FCHO2: variants seen among roughly 807,000 people sequenced by gnomAD.
FCHO2 encodes F-BAR domain only protein 2.
In FCHO2, 43 loss-of-function variants were observed where a neutral mutation model predicts 114.1. The ratio of observed to expected loss-of-function variants is 0.38; its 90% confidence interval spans 0.30 to 0.49. The LOEUF (loss-of-function observed/expected upper bound fraction) is 0.49. Among genes scored for constraint, FCHO2 ranks in the 20% least tolerant of loss-of-function variants. FCHO2 has a pLI of 0.97. For missense variants in FCHO2, 807 were observed against 950.4 expected, an observed-to-expected ratio of 0.85 and a Z score of 1.98; for synonymous variants, 293 against 315.2, an observed-to-expected ratio of 0.93 and a Z score of 0.75.
At chr5:73,021,327 G>A (rs1270349719) in intron 8 of FCHO2, 6 of 415,418 alleles carry the variant, frequency 1.4e-5, no homozygotes, top group South Asian at 4.6e-5. Flanking sequence ...AAGTGATGGC[G>A]ACAGGAGGGA....
intron 24 of FCHO2, among the ~76,000 whole-genome samples, chr5:73,085,797 T>G (rs111880417): frequency 9.5e-6 from 1 of 105,524 alleles, no homozygotes; most frequent in East Asian, 2.5e-4. Context: ...AATAAATAAA[T>G]AAATAAATAA....
At chr5:72,965,748 G>A (rs1326354624) in intron 1 of FCHO2, among the ~76,000 whole-genome samples, 1 of 152,194 alleles carries the variant, frequency 6.6e-6, no homozygotes, top group African/African-American at 2.4e-5. Context: ...GAGAAGTCAA[G>A]ATAAAGTGAG....
At chr5:73,009,625 G>A (rs1372093167) in intron 6 of FCHO2, among the ~76,000 whole-genome samples, 1 of 152,048 alleles carries the variant, frequency 6.6e-6, no homozygotes. Context: ...CAGCCTTTTT[G>A]CCTCCCAGGC....
At chr5:72,996,132 A>G (rs893966897) in intron 5 of FCHO2, among the ~76,000 whole-genome samples, 2 of 151,356 alleles carry the variant, frequency 1.3e-5, no homozygotes, top group African/African-American at 4.9e-5. Flanking sequence ...AATCCCAGCT[A>G]CTCGGGAGGC....
At chr5:73,067,041 T>C (rs1212207053) in intron 18 of FCHO2, among the ~76,000 whole-genome samples, 1 of 152,056 alleles carries the variant, frequency 6.6e-6, no homozygotes, top group Non-Finnish European at 1.5e-5. Flanking sequence ...ATATGAAAAT[T>C]AATGAGATTT....
intron 9 of FCHO2, among the ~76,000 whole-genome samples, chr5:73,035,097 G>A (rs1207826697): frequency 8.5e-5 from 13 of 152,190 alleles, no homozygotes; most frequent in African/African-American, 2.9e-4. Context: ...TGTACAGTGG[G>A]TAACATTTCA....
intron 8 of FCHO2, among the ~76,000 whole-genome samples, chr5:73,019,260 T>A (rs923836196): frequency 2.0e-5 from 3 of 152,192 alleles, no homozygotes; most frequent in African/African-American, 4.8e-5. Context: ...ATAAAGAATT[T>A]TGTGACTGAG....
intron 2 of FCHO2, among the ~76,000 whole-genome samples, chr5:72,972,871 G>A (rs1199537469): frequency 3.9e-5 from 6 of 152,060 alleles, no homozygotes; most frequent in African/African-American, 7.2e-5. Flanking sequence ...TTTGAAATAC[G>A]TCCCATCAAT....
chr5:73,023,207 T>C (rs1580120525), intron 8 of FCHO2, among the ~76,000 whole-genome samples: 1 of 152,172 alleles, frequency 6.6e-6, no homozygotes, highest in African/African-American at 2.4e-5. Flanking sequence ...CCCCAAAATA[T>C]AACGTTTTAG....
At chr5:73,034,952 T>G (rs1294653035) in intron 9 of FCHO2, among the ~76,000 whole-genome samples, 1 of 152,238 alleles carries the variant, frequency 6.6e-6, no homozygotes, top group Non-Finnish European at 1.5e-5. Flanking sequence ...ATGCATTTGT[T>G]TTTAAATATA....
chr5:72,968,715 AATT>A, intron 2 of FCHO2, 126 bp downstream of exon 2: 1 of 653,136 alleles, frequency 1.5e-6, no homozygotes. Context: ...TATGTACTGT[AATT>A]ATATCTATCT....
intron 8 of FCHO2, 107 bp from the exon 9 acceptor site, chr5:73,034,550 G>A (rs576478357): frequency 3.9e-5 from 29 of 750,030 alleles, no homozygotes; most frequent in African/African-American, 1.1e-4. Flanking sequence ...AAAAAGATGC[G>A]TTGTCAATTA....
At chr5:72,961,777 A>G (rs1164115064) in intron 1 of FCHO2, among the ~76,000 whole-genome samples, 3 of 151,988 alleles carry the variant, frequency 2.0e-5, no homozygotes, top group Non-Finnish European at 4.4e-5. Context: ...TATTTTTAGT[A>G]GAGATGGGGA....
At chr5:73,079,549 T>C (rs574643993) in intron 22 of FCHO2, among the ~76,000 whole-genome samples, 1 of 152,294 alleles carries the variant, frequency 6.6e-6, no homozygotes, top group South Asian at 2.1e-4. Flanking sequence ...GTTAGACTTT[T>C]AGCCAAAGTA....
At chr5:73,080,757 A>G (rs1202253660) in intron 22 of FCHO2, among the ~76,000 whole-genome samples, 4 of 152,168 alleles carry the variant, frequency 2.6e-5, no homozygotes, top group African/African-American at 9.7e-5. Flanking sequence ...TATTCAACAG[A>G]TGTGTATTAT....
intron 1 of FCHO2, among the ~76,000 whole-genome samples, chr5:72,963,049 A>T (rs551811999): frequency 8.5e-5 from 13 of 152,304 alleles, no homozygotes; most frequent in South Asian, 8.3e-4. Context: ...GTGCAAGAGG[A>T]TGTTGCTGGA....
intron 10 of FCHO2, chr5:73,037,952 GT>G (rs762843758): frequency 3.7e-6 from 1 of 270,152 alleles, no homozygotes; most frequent in Non-Finnish European, 7.4e-6. Context: ...TAGAGACAGG[GT>G]TTCACCATAT....
intron 17 of FCHO2, among the ~76,000 whole-genome samples, chr5:73,059,665 A>G (rs1164941877): frequency 6.6e-6 from 1 of 152,154 alleles, no homozygotes; most frequent in African/African-American, 2.4e-5. Context: ...ACTAAACGCT[A>G]TTTGACCTTT....
At chr5:73,029,540 G>A (rs949100731) in intron 8 of FCHO2, among the ~76,000 whole-genome samples, 7 of 152,186 alleles carry the variant, frequency 4.6e-5, no homozygotes, top group African/African-American at 1.2e-4. Context: ...TACTGTATTC[G>A]TCCATTCTAG....
Sources: allele counts gnomAD v4.1 joint callset (sites outside exome capture counted in the v4.1 genomes callset), GRCh38; gene constraint gnomAD v4.1.1; transcripts MANE v1.5; gene names NCBI Gene and HGNC (gene_info 2026-07-23, HGNC 2026-07-21).